Variants in TRIM37 observed in about 807,000 individuals in gnomAD.
The protein encoded by TRIM37 is tripartite motif containing 37.
A neutral mutation model predicts 129.8 loss-of-function variants in TRIM37; 80 were observed. The ratio of observed to expected loss-of-function variants is 0.62; its 90% confidence interval spans 0.51 to 0.74. TRIM37 has a LOEUF of 0.74. Ranked by LOEUF, TRIM37 falls within the 30% of genes least tolerant of loss-of-function variation. TRIM37 has a pLI of 0.00. For synonymous variants in TRIM37, 389 were observed against 387.1 expected (o/e 1.00, Z -0.06); for missense variants, 1,054 against 1,176.5 (o/e 0.90, Z 1.52).
chr17:59,085,022 A>T (rs2043626160), intron 4 of TRIM37, among the ~76,000 whole-genome samples: 1 of 152,120 alleles, frequency 6.6e-6, no homozygotes, highest in East Asian at 1.9e-4. Flanking sequence ...TTTATACCAT[A>T]TACACAAATA....
the TRIM37 span, chr17:58,972,324 G>A: frequency 1.3e-6 from 2 of 1,545,618 alleles, no homozygotes; most frequent in Non-Finnish European, 1.8e-6. Flanking sequence ...TATTAGTTTA[G>A]ATTTTCTAGT....
At chr17:58,983,233 A>AGTT in intron 24 of TRIM37, 1 of 257,810 alleles carries the variant, frequency 3.9e-6, no homozygotes, top group South Asian at 1.2e-4. Flanking sequence ...AAAGCAAAGT[A>AGTT]GTTCTAGTGT....
chr17:59,008,436 T>C (rs902302517), intron 22 of TRIM37, among the ~76,000 whole-genome samples: 6 of 152,374 alleles, frequency 3.9e-5, no homozygotes, highest in Admixed American at 3.3e-4. Context: ...ATCTTCACTA[T>C]GGCCAAGCAA....
chr17:58,984,704 A>G (rs2031634610), intron 24 of TRIM37: 1 of 152,684 alleles, frequency 6.5e-6, no homozygotes, highest in Non-Finnish European at 1.5e-5. Context: ...CCAGTATTAC[A>G]ACACAATGAT....
intron 2 of TRIM37, among the ~76,000 whole-genome samples, chr17:59,099,945 A>G (rs1042897578): frequency 6.6e-6 from 1 of 152,176 alleles, no homozygotes; most frequent in African/African-American, 2.4e-5. Flanking sequence ...CTGGGATTAC[A>G]GACATGTACC....
the TRIM37 span, chr17:58,972,190 TG>T: frequency 6.2e-7 from 1 of 1,614,126 alleles, no homozygotes; most frequent in Non-Finnish European, 8.5e-7. Flanking sequence ...ATGCTACATG[TG>T]GCCTGGGTGG....
At chr17:58,986,346 C>G (rs1355779717) in intron 24 of TRIM37, among the ~76,000 whole-genome samples, 7 of 151,786 alleles carry the variant, frequency 4.6e-5, no homozygotes, top group African/African-American at 1.7e-4. Context: ...TTACAGGCGC[C>G]CGCCACCACA....
chr17:59,027,183 C>CTTTCCTAAAATTCTATTT (rs2037337269), intron 19 of TRIM37, among the ~76,000 whole-genome samples: 1 of 152,144 alleles, frequency 6.6e-6, no homozygotes, highest in South Asian at 2.1e-4. Flanking sequence ...GGATATCTAG[C>CTTTCCTAAAATTCTATTT]AGGTGTCTCA....
intron 19 of TRIM37, among the ~76,000 whole-genome samples, 153 bp downstream of exon 19, chr17:59,028,262 G>A (rs982236702): frequency 2.0e-5 from 3 of 152,090 alleles, no homozygotes; most frequent in Admixed American, 6.6e-5. Flanking sequence ...AAAAATATAC[G>A]GAATCAATTT....
intron 3 of TRIM37, chr17:59,090,232 G>A (rs527254835): frequency 1.3e-5 from 2 of 152,188 alleles, no homozygotes; most frequent in Non-Finnish European, 1.5e-5. Flanking sequence ...TCAAGGTATA[G>A]TCATAAAACT....
intron 13 of TRIM37, among the ~76,000 whole-genome samples, chr17:59,054,583 T>C (rs2040655804): frequency 6.6e-6 from 1 of 152,082 alleles, no homozygotes; most frequent in South Asian, 2.1e-4. Context: ...ATTACAGGCG[T>C]GAGCCACGGC....
chr17:59,069,554 C>CT (rs1252915332), intron 9 of TRIM37, among the ~76,000 whole-genome samples: 4 of 152,082 alleles, frequency 2.6e-5, no homozygotes, highest in African/African-American at 9.7e-5. Context: ...AGTCATCTCT[C>CT]TAAGATAAAG....
Position 59,075,399 on chromosome 17 carries a change from T to C in TRIM37, c.684+248A>G, listed in dbSNP as rs75397456. Among the ~76,000 whole-genome samples the C allele has an allele frequency of 6.5e-3, 989 of 151,818 alleles. 26 individuals carry two copies. Among genetic ancestry groups the C allele is most frequent in the East Asian group, 0.062 (320 of 5,156 alleles). On this transcript the variant is annotated intron_variant, in intron 8 of 23. Transcript: ENST00000262294. ...TAACATGGTGAAACCCCGTCTCTACTGAAAATACAAAAAAATTAGCCGGGC... is the reference window on the plus strand; with the variant it reads ...TAACATGGTGAAACCCCGTCTCTACCGAAAATACAAAAAAATTAGCCGGGC...
chr17:59,023,362 G>A (rs1056352799), intron 19 of TRIM37, among the ~76,000 whole-genome samples: 2 of 152,134 alleles, frequency 1.3e-5, no homozygotes, highest in Non-Finnish European at 2.9e-5. Context: ...ACAGGCGTGA[G>A]CCATTGCACA....
intron 17 of TRIM37, among the ~76,000 whole-genome samples, chr17:59,033,908 A>C (rs117987711): frequency 0.25 from 37,315 of 151,416 alleles, 5,474 homozygotes; most frequent in East Asian, 0.4. Context: ...ACCTGAGGTC[A>C]AGAGTTAGAG....
At chr17:59,044,541 G>A (rs1178268582) in intron 16 of TRIM37, among the ~76,000 whole-genome samples, 3 of 151,840 alleles carry the variant, frequency 2.0e-5, no homozygotes, top group African/African-American at 4.8e-5. Flanking sequence ...CAGCCTGGGC[G>A]ACAAGAGCGA....
intron 19 of TRIM37, among the ~76,000 whole-genome samples, chr17:59,021,949 A>C (rs1280165326): frequency 6.6e-6 from 1 of 152,156 alleles, no homozygotes; most frequent in Admixed American, 6.5e-5. Flanking sequence ...TGAGGAAACC[A>C]ACAAATCCAA....
At chr17:59,072,565 T>C (rs759095361) in intron 8 of TRIM37, among the ~76,000 whole-genome samples, 6 of 151,960 alleles carry the variant, frequency 3.9e-5, no homozygotes, top group Non-Finnish European at 8.8e-5. Flanking sequence ...CTGGCCAACA[T>C]GGTGAAACCC....
At chr17:59,069,259 A>AT (rs1162558843) in intron 9 of TRIM37, among the ~76,000 whole-genome samples, 1 of 152,000 alleles carries the variant, frequency 6.6e-6, no homozygotes. Context: ...AGGTGTGAGA[A>AT]TTGCTTGAAT....
Sources: gnomAD v4.1 joint callset for allele counts (sites outside exome capture counted in the v4.1 genomes callset) on GRCh38, gnomAD v4.1.1 for gene constraint, MANE v1.5 for transcripts, NCBI Gene and HGNC (gene_info 2026-07-23, HGNC 2026-07-21) for gene names.